ETAA1: variants seen among roughly 807,000 people sequenced by gnomAD.
ETAA1 encodes the protein ewing's tumor-associated antigen 1.
Under a neutral mutation model 76.8 loss-of-function variants are expected in ETAA1, and 49 were observed. The ratio of observed to expected loss-of-function variants is 0.64; its 90% confidence interval spans 0.51 to 0.81. The LOEUF is 0.81. ETAA1 is among the 30% of genes least tolerant of loss of function. The pLI is 0.00. For missense variants in ETAA1, 1,099 were observed against 1,074.0 expected, an observed-to-expected ratio of 1.02 and a Z score of -0.32; for synonymous variants, 373 against 372.2, an observed-to-expected ratio of 1.00 and a Z score of -0.03.
chr2:67,406,708 A>ATG (rs1462678158), intron 5 of ETAA1, among the ~76,000 whole-genome samples: 1 of 152,172 alleles, frequency 6.6e-6, no homozygotes, highest in African/African-American at 2.4e-5. Context: ...ATAAAAAGAT[A>ATG]TGTGTGTGTG....
At position 67,404,370 on chromosome 2, in the gene ETAA1, G is replaced by C. The variant is rs761478012; in HGVS notation, c.1688G>C (p.Ser563Thr). The C allele has an allele frequency of 1.2e-6, 2 of 1,613,312 alleles. No individual in the cohort carries two copies. The highest frequency in any genetic ancestry group is 1.7e-6 in the Non-Finnish European group (2 of 1,179,474). Residue 563 changes from serine (S) to threonine (T), a missense_variant, in exon 5 of 6, where the codon AGT (serine) becomes ACT (threonine). Physicochemically the swap from Ser to Thr is moderately conservative, Grantham distance 58. This residue lies in a region of ETAA1 where 761 missense variants were observed against 731.9 expected (regional missense o/e 1.04). Coordinates refer to ENST00000272342, the MANE Select transcript of ETAA1 (RefSeq NM_019002.4). ...SANLGSKTSV[S>T]NPNQTSASKV... ...AATCTAGGCAGTAAAACCAGTGTTA[G>C]TAACCCAAATCAGACTAGTGCATCA...
intron 5 of ETAA1, among the ~76,000 whole-genome samples, chr2:67,408,320 T>C (rs1374992666): frequency 1.3e-5 from 2 of 152,114 alleles, no homozygotes; most frequent in Non-Finnish European, 2.9e-5. Flanking sequence ...ACATTTTAAA[T>C]GGTTGGAAAA....
Position 67,404,850 on chromosome 2 carries a change from T to G in ETAA1, c.2168T>G (p.Met723Arg). Reference protein sequence around the residue: ...DKPMKMEKGEMYGNSPRFLGA... With the variant: ...DKPMKMEKGERYGNSPRFLGA... ...CCAATGAAGATGGAGAAAGGGGAAA[T>G]GTATGGAAATTCTCCAAGATTTTTA... Residue 723 changes from methionine (M) to arginine (R), a missense_variant, in exon 5 of 6, where the codon ATG (methionine) becomes AGG (arginine). Around this residue, in one of 3 missense-constraint regions of ETAA1, gnomAD observed 302 missense variants for 278.1 expected, o/e 1.09. Coordinates refer to ENST00000272342, the MANE Select transcript of ETAA1 (RefSeq NM_019002.4). The G allele has an allele frequency of 6.2e-7, 1 of 1,613,008 alleles. No homozygotes were observed. Among genetic ancestry groups the G allele is most frequent in the South Asian group, 1.1e-5 (1 of 91,036 alleles).
chr2:67,409,447 A>G (rs1021159767), intron 5 of ETAA1, among the ~76,000 whole-genome samples: 67 of 152,086 alleles, frequency 4.4e-4, no homozygotes, highest in African/African-American at 1.5e-3. Context: ...AGGGAAAAGT[A>G]GATGTGAATA....
intron 5 of ETAA1, among the ~76,000 whole-genome samples, chr2:67,409,623 T>G (rs1420679744): frequency 6.6e-6 from 1 of 151,998 alleles, no homozygotes; most frequent in Non-Finnish European, 1.5e-5. Context: ...GATGTCATTG[T>G]CCACAAGAAT....
Position 67,405,310 on chromosome 2 carries a change from T to G in ETAA1, c.2628T>G (p.Ser876=). 1 of 1,546,406 alleles carries G rather than the reference T, an allele frequency of 6.5e-7. No homozygotes were observed. The highest frequency in any genetic ancestry group is 1.2e-5 in the South Asian group (1 of 80,026). The change falls in exon 5 of 6, where the codon TCT becomes TCG. Residue 876 remains serine, a synonymous_variant. Coordinates refer to ENST00000272342, the MANE Select transcript of ETAA1 (RefSeq NM_019002.4). ...AVGQQSLVKL[S]ESLKQSSKEE... Reference sequence around the variant, plus strand: ...GACAGCAATCTTTGGTGAAACTTTCTGAATCTTTGAAACAATCTTCAAAAG... The same window carrying G: ...GACAGCAATCTTTGGTGAAACTTTCGGAATCTTTGAAACAATCTTCAAAAG...
intron 1 of ETAA1, 110 bp from the exon 2 acceptor site, chr2:67,399,059 A>T: frequency 9.9e-7 from 1 of 1,010,836 alleles, no homozygotes; most frequent in Non-Finnish European, 1.4e-6. Context: ...TGGGAAAAAA[A>T]ATTATCTTGG....
rs898510263 is a variant in ETAA1, at chr2:67,399,376, A to G, written c.352+79A>G. 4 of 1,349,596 alleles carry G rather than the reference A, an allele frequency of 3.0e-6. No homozygotes were observed. In the African/African-American group the frequency reaches 5.9e-5, roughly 20 times the overall value. 83.6% of individuals were successfully genotyped at this position (1,349,596 alleles called of 1,614,324 possible). A position where few individuals can be genotyped will look rare whatever the true frequency, so the allele number is the denominator to read the frequency against. On this transcript the variant is annotated intron_variant, in intron 2 of 5. Coordinates refer to ENST00000272342, the MANE Select transcript of ETAA1 (RefSeq NM_019002.4). ...ATTTAACTAGAATTCTAGTCAGATA[A>G]TAGCATCGGGAACCTCTGAGAATGT...
In ETAA1 at chr2:67,397,575, T is replaced by C. The variant is rs767398483; in HGVS notation, c.127T>C (p.Ser43Pro). 9.6e-6 allele frequency: 15 copies of C among 1,562,084 alleles called. No individual in the cohort carries two copies. Among genetic ancestry groups the C allele is most frequent in the Non-Finnish European group, 1.3e-5 (15 of 1,153,638 alleles). Reference sequence around the variant, plus strand: ...GAGGCGGCTGAGATCGGCCCGCGGTTCGTGGCCCTGCGGGGCTAGAGAGGG... The same window carrying C: ...GAGGCGGCTGAGATCGGCCCGCGGTCCGTGGCCCTGCGGGGCTAGAGAGGG... Reference protein sequence around the residue: ...GRRRLRSARGSWPCGAREGPP... With the variant: ...GRRRLRSARGPWPCGAREGPP... Residue 43 changes from serine (S) to proline (P), a missense_variant, in exon 1 of 6, where the codon TCG becomes CCG. This residue lies in a region of ETAA1 where 761 missense variants were observed against 731.9 expected (regional missense o/e 1.04). Transcript: ENST00000272342.
At chr2:67,407,045 C>T (rs539108227) in intron 5 of ETAA1, among the ~76,000 whole-genome samples, 1 of 152,116 alleles carries the variant, frequency 6.6e-6, no homozygotes, top group African/African-American at 2.4e-5. Context: ...TAAAAAATTG[C>T]TACAAGAGGA....
chr2:67,399,625 A>G lies in ETAA1; in HGVS notation c.428A>G (p.Gln143Arg). 1 of 1,590,872 alleles carries G rather than the reference A, an allele frequency of 6.3e-7. No individual in the cohort carries two copies. Among genetic ancestry groups the G allele is most frequent in the East Asian group, 2.2e-5 (1 of 44,540 alleles). Residue 143 changes from glutamine (Q) to arginine (R), a missense_variant and splice_region_variant, in exon 3 of 6, where the codon CAG becomes CGG. Gln to Arg is a conservative substitution (Grantham distance 43). This residue lies in a region of ETAA1 where 761 missense variants were observed against 731.9 expected (regional missense o/e 1.04). Coordinates refer to ENST00000272342, the MANE Select transcript of ETAA1 (RefSeq NM_019002.4). The stretch of plus-strand genomic sequence containing the variant: ...CATATTGTTAATCGTATTGCTCCTC[A>G]GGTAAATATCACTAGTTTTACAGTT... The part of the protein sequence containing the change: ...ISHIVNRIAP[Q>R]DEKPTTNSML...
At chr2:67,400,493 G>T (rs1026862692) in intron 3 of ETAA1, 1 of 151,532 alleles carries the variant, frequency 6.6e-6, no homozygotes, top group Admixed American at 6.6e-5. Context: ...TTCTTTTATT[G>T]TTTGAGTGAA....
rs902432274 is a variant in ETAA1, at chr2:67,411,826, A to C, written c.*1788A>C. On this transcript the variant is annotated 3_prime_UTR_variant, in exon 6 of 6. Transcript: ENST00000272342. ...TATGTACAAAAATAAAGAGCTGAGAATCTTTTACTAAAAGTGGCTTCACTG... is the reference window on the plus strand; with the variant it reads ...TATGTACAAAAATAAAGAGCTGAGACTCTTTTACTAAAAGTGGCTTCACTG... 6.6e-6 allele frequency: 1 copy of C among 151,840 alleles called. No homozygotes were observed. The highest frequency in any genetic ancestry group is 1.5e-5 in the Non-Finnish European group (1 of 67,988). 9.4% of individuals were successfully genotyped at this position (151,840 alleles called of 1,614,324 possible). A position where few individuals can be genotyped will look rare whatever the true frequency, so the allele number is the denominator to read the frequency against.
intron 3 of ETAA1, among the ~76,000 whole-genome samples, chr2:67,400,058 C>T (rs2103742015): frequency 6.6e-6 from 1 of 152,250 alleles, no homozygotes; most frequent in African/African-American, 2.4e-5. Context: ...ATAAGATTAT[C>T]AAGAAACACT....
intron 3 of ETAA1, among the ~76,000 whole-genome samples, chr2:67,400,001 C>A (rs542166717): frequency 1.3e-5 from 2 of 152,096 alleles, no homozygotes; most frequent in African/African-American, 2.4e-5. Flanking sequence ...ATTGGTACTT[C>A]CTGTCTGTAA....
chr2:67,397,472 T>C lies in ETAA1; in HGVS notation c.24T>C (p.Asp8=). Residue 8 remains aspartate, a synonymous_variant, in exon 1 of 6, where the codon GAT becomes GAC. Coordinates refer to ENST00000272342, the MANE Select transcript of ETAA1 (RefSeq NM_019002.4). ...CAATGAGTCGGCGAAGGAAACATGA[T>C]GACAGCCCTAGCCCGAAGAAAACGC... MSRRRKH[D]DSPSPKKTPH... The C allele has an allele frequency of 1.2e-6, 2 of 1,601,300 alleles. No homozygotes were observed. Among genetic ancestry groups the C allele is most frequent in the Non-Finnish European group, 1.7e-6 (2 of 1,173,978 alleles).
intron 5 of ETAA1, among the ~76,000 whole-genome samples, chr2:67,407,688 ATATG>A (rs1398363992): frequency 6.6e-6 from 1 of 152,174 alleles, no homozygotes; most frequent in Non-Finnish European, 1.5e-5. Flanking sequence ...GTATGCTCTT[ATATG>A]TATTATATAC....
At chr2:67,407,395 A>G (rs1676249514) in intron 5 of ETAA1, among the ~76,000 whole-genome samples, 1 of 152,160 alleles carries the variant, frequency 6.6e-6, no homozygotes, top group Non-Finnish European at 1.5e-5. Context: ...TGATAGCCCA[A>G]ACTAGATATT....
chr2:67,403,008 A>G (rs1676098173), intron 4 of ETAA1, 34 bp downstream of exon 4: 2 of 1,533,290 alleles, frequency 1.3e-6, no homozygotes, highest in African/African-American at 1.4e-5. Flanking sequence ...TCTGAAATTC[A>G]GTGAAGCAAA....
Sources: allele counts gnomAD v4.1 joint callset (sites outside exome capture counted in the v4.1 genomes callset), GRCh38; gene constraint gnomAD v4.1.1; regional missense constraint gnomAD v4.1.1; transcripts MANE v1.5; gene names NCBI Gene and HGNC (gene_info 2026-07-23, HGNC 2026-07-21).